The following DMD variants were observed in gnomAD, a reference collection of about 807,000 sequenced individuals.
The protein encoded by DMD is dystrophin, also known as mutant dystrophin.
A neutral mutation model predicts 330.1 loss-of-function variants in DMD; 63 were observed. The observed-to-expected ratio is 0.19, with a 90% CI of 0.16 to 0.24. The LOEUF (loss-of-function observed/expected upper bound fraction) is 0.24, where lower values mean the gene tolerates loss of function less well. Ranked by LOEUF, DMD falls within the 10% of genes least tolerant of loss-of-function variation. The pLI is 1.00. For missense variants in DMD, 3,344 were observed against 2,684.1 expected (o/e 1.25, Z -5.43); for synonymous variants, 1,223 against 959.8 (o/e 1.27, Z -5.07).
At chrX:31,283,010 T>A (rs1449755273) in intron 62 of DMD, among the ~76,000 whole-genome samples, 1 of 111,698 alleles carries the variant, frequency 9.0e-6, no homozygotes, top group East Asian at 2.8e-4. Flanking sequence ...TATGAATCAA[T>A]GTGTCAACTC....
At chrX:32,355,038 C>T (rs1213039477) in intron 37 of DMD, among the ~76,000 whole-genome samples, 1 of 111,335 alleles carries the variant, frequency 9.0e-6, no homozygotes, top group Non-Finnish European at 1.9e-5. Flanking sequence ...GTATTTTAAA[C>T]TTTCTTTTCA....
intron 2 of DMD, among the ~76,000 whole-genome samples, chrX:32,880,879 G>T (rs931800607): frequency 2.7e-5 from 3 of 112,753 alleles, no homozygotes; most frequent in Non-Finnish European, 5.6e-5. Context: ...AGAAGGCGGA[G>T]GTTGCGGTGA....
intron 2 of DMD, among the ~76,000 whole-genome samples, chrX:32,999,614 A>G (rs763214978): frequency 1.8e-5 from 2 of 110,516 alleles, no homozygotes; most frequent in South Asian, 3.9e-4. Flanking sequence ...CGCCTCTACT[A>G]AAAATACAAA....
intron 44 of DMD, among the ~76,000 whole-genome samples, chrX:32,138,091 C>T (rs945027847): frequency 1.6e-4 from 18 of 109,219 alleles, no homozygotes; most frequent in African/African-American, 5.0e-4. Flanking sequence ...ACCTTAATCC[C>T]GAGCCAACTC....
chrX:32,894,604 T>A (rs150686040), intron 2 of DMD, among the ~76,000 whole-genome samples: 1 of 112,831 alleles, frequency 8.9e-6, no homozygotes, highest in Non-Finnish European at 1.9e-5. Flanking sequence ...GTATGGCCCG[T>A]GTTCCACGGG....
intron 37 of DMD, among the ~76,000 whole-genome samples, chrX:32,356,744 T>A (rs998217281): frequency 8.9e-6 from 1 of 111,917 alleles, no homozygotes; most frequent in Non-Finnish European, 1.9e-5. Context: ...AAATTTTATG[T>A]AGAAATTACA....
At chrX:32,774,133 A>G (rs2073912196) in intron 7 of DMD, among the ~76,000 whole-genome samples, 1 of 112,325 alleles carries the variant, frequency 8.9e-6, no homozygotes, top group Non-Finnish European at 1.9e-5. Context: ...CTTAGGAGAA[A>G]TGGCCTGCTA....
intron 44 of DMD, among the ~76,000 whole-genome samples, chrX:32,040,206 T>A (rs1451881504): frequency 5.4e-5 from 6 of 112,144 alleles, no homozygotes; most frequent in Non-Finnish European, 1.9e-5. Context: ...TTCAAGGTCG[T>A]TGGAGTGACA....
chrX:32,023,315 T>C (rs891399204), intron 44 of DMD, among the ~76,000 whole-genome samples: 5 of 111,348 alleles, frequency 4.5e-5, no homozygotes, highest in African/African-American at 1.6e-4. Flanking sequence ...TATTATCATC[T>C]TAGTTTATCA....
intron 60 of DMD, among the ~76,000 whole-genome samples, chrX:31,375,435 C>T (rs1238962747): frequency 2.7e-5 from 3 of 111,326 alleles, no homozygotes; most frequent in Non-Finnish European, 5.6e-5. Flanking sequence ...TGAGCCTAGT[C>T]TTGGAGAGCC....
chrX:32,238,308 C>T (rs758834074), intron 43 of DMD, among the ~76,000 whole-genome samples: 7 of 111,478 alleles, frequency 6.3e-5, no homozygotes, highest in South Asian at 3.8e-4. Context: ...TGCAGCCTCT[C>T]GAGATTTGTC....
chrX:32,927,720 C>T (rs1243334005), intron 2 of DMD, among the ~76,000 whole-genome samples: 1 of 111,226 alleles, frequency 9.0e-6, no homozygotes, highest in Non-Finnish European at 1.9e-5. Context: ...TCTTTAGATT[C>T]TGTATTAATC....
chrX:33,095,183 C>G (rs1158257980), intron 1 of DMD, among the ~76,000 whole-genome samples: 1 of 112,215 alleles, frequency 8.9e-6, no homozygotes, highest in Non-Finnish European at 1.9e-5. Context: ...AATATTTAAA[C>G]AAAAGCAAAT....
chrX:32,549,962 C>G (rs958525182), intron 16 of DMD, among the ~76,000 whole-genome samples: 1 of 112,522 alleles, frequency 8.9e-6, no homozygotes, highest in African/African-American at 3.2e-5. Context: ...TTAGGAATCA[C>G]TACAAGTCAT....
intron 11 of DMD, among the ~76,000 whole-genome samples, chrX:32,629,833 C>T (rs1288409992): frequency 4.6e-5 from 5 of 109,270 alleles, no homozygotes; most frequent in African/African-American, 6.6e-5. Context: ...TTAACTTCAT[C>T]CCCCCACTCT....
At chrX:32,821,893 T>C (rs1603440957) in intron 5 of DMD, among the ~76,000 whole-genome samples, 1 of 109,805 alleles carries the variant, frequency 9.1e-6, no homozygotes, top group South Asian at 3.9e-4. Context: ...GCTATATAAC[T>C]CTGTAAATAT....
intron 25 of DMD, among the ~76,000 whole-genome samples, chrX:32,458,907 C>G (rs889105839): frequency 9.0e-6 from 1 of 110,745 alleles, no homozygotes; most frequent in Admixed American, 9.7e-5. Context: ...TAATCATTTG[C>G]CAGACATATG....
chrX:33,088,828 AT>A (rs2095045426), intron 1 of DMD, among the ~76,000 whole-genome samples: 1 of 112,122 alleles, frequency 8.9e-6, no homozygotes, highest in Admixed American at 9.5e-5. Context: ...CTTTTTTGAA[AT>A]GAAATAAAGA....
chrX:32,069,572 A>C (rs1012377916), intron 44 of DMD, among the ~76,000 whole-genome samples: 5 of 111,998 alleles, frequency 4.5e-5, no homozygotes, highest in Non-Finnish European at 9.4e-5. Context: ...TCTATAACAT[A>C]GTTTGATCTT....
Sources: gnomAD v4.1 joint callset for allele counts (sites outside exome capture counted in the v4.1 genomes callset) on GRCh38, gnomAD v4.1.1 for gene constraint, MANE v1.5 for transcripts, NCBI Gene and HGNC (gene_info 2026-07-23, HGNC 2026-07-21) for gene names.